Variants in DCTN2 observed in about 807,000 individuals in gnomAD.
DCTN2 encodes 50 kDa dynein-associated polypeptide.
Under a neutral mutation model 55.4 loss-of-function variants are expected in DCTN2, and 18 were observed. That is an observed-to-expected ratio of 0.32 (90% CI 0.22 to 0.48). The LOEUF (loss-of-function observed/expected upper bound fraction) is 0.48. Ranked by LOEUF, DCTN2 falls within the 20% of genes least tolerant of loss-of-function variation. DCTN2 has a pLI of 0.99. For synonymous variants in DCTN2, 168 were observed against 185.2 expected, an observed-to-expected ratio of 0.91 and a Z score of 0.76; for missense variants, 390 against 491.0, an observed-to-expected ratio of 0.79 and a Z score of 1.94.
At chr12:57,537,085 C>T (rs1017436013) in intron 2 of DCTN2, among the ~76,000 whole-genome samples, 34 of 151,112 alleles carry the variant, frequency 2.2e-4, no homozygotes, top group African/African-American at 7.5e-4. Flanking sequence ...GTGATCCACC[C>T]GCCTCGGCCT....
intron 5 of DCTN2, 60 bp from the exon 6 acceptor site, chr12:57,534,512 T>C: frequency 3.3e-6 from 5 of 1,534,664 alleles, no homozygotes; most frequent in Middle Eastern, 1.7e-4. Context: ...AGCAAAAAAA[T>C]AGGTCAAGCC....
chr12:57,544,273 A>G (rs1446249812), intron 2 of DCTN2: 3 of 347,344 alleles, frequency 8.6e-6, no homozygotes, highest in Non-Finnish European at 1.7e-5. Context: ...AAATTGGCAT[A>G]GTAACTGCAT....
intron 2 of DCTN2, among the ~76,000 whole-genome samples, chr12:57,542,625 C>G (rs1223261023): frequency 6.6e-6 from 1 of 152,106 alleles, no homozygotes; most frequent in Non-Finnish European, 1.5e-5. Context: ...CGAGACCAAC[C>G]TGGCCAACAT....
In DCTN2 at chr12:57,545,956, G is replaced by A. The variant is rs1419827842; in HGVS notation, c.105+72C>T. 9 of 1,510,510 alleles carry A rather than the reference G, an allele frequency of 6.0e-6. No individual in the cohort carries two copies. In the Admixed American group the frequency reaches 7.0e-5, roughly 12 times the overall value. The allele number at this position is 1,510,510 out of a possible 1,614,324, so 93.6% of individuals were successfully genotyped here. On this transcript the variant is annotated intron_variant, in intron 2 of 13. Coordinates refer to ENST00000548249, the MANE Select transcript of DCTN2 (RefSeq NM_001261413.2). ...ACCCGCTTATTGCTGTAGCTCCCCC[G>A]AGAAAGGGAAGGACCTGTCTAGGGG...
At chr12:57,539,090 A>G (rs1880483776) in intron 2 of DCTN2, among the ~76,000 whole-genome samples, 1 of 152,220 alleles carries the variant, frequency 6.6e-6, no homozygotes, top group African/African-American at 2.4e-5. Flanking sequence ...TCACAATGAG[A>G]GTGATCAGGT....
chr12:57,538,548 A>C (rs1372756564), intron 2 of DCTN2: 2 of 755,196 alleles, frequency 2.6e-6, no homozygotes, highest in Non-Finnish European at 4.8e-6. Flanking sequence ...CAGAGGTGAG[A>C]AAATCAAAAG....
chr12:57,545,885 T>C (rs1203994371), intron 2 of DCTN2, 143 bp downstream of exon 2: 2 of 725,678 alleles, frequency 2.8e-6, no homozygotes, highest in Non-Finnish European at 4.5e-6. Flanking sequence ...CAGCAAGGTC[T>C]TTGCAAGCCC....
chr12:57,534,300 G>A lies in DCTN2; in HGVS notation c.516C>T (p.Ala172=). Reference sequence around the variant, plus strand: ...CAAAGTAGGGTACCCACTTAGCCAGGGCGCCATCGGGGTCGGTAAGGTTGA... The same window carrying A: ...CAAAGTAGGGTACCCACTTAGCCAGAGCGCCATCGGGGTCGGTAAGGTTGA... The part of the protein sequence containing the change: ...AAINLTDPDG[A]LAKRLLLQLE... Residue 172 remains alanine, a synonymous_variant, in exon 6 of 14, where the codon GCC becomes GCT. Coordinates refer to ENST00000548249, the MANE Select transcript of DCTN2 (RefSeq NM_001261413.2). 6.3e-7 allele frequency: 1 copy of A among 1,591,064 alleles called. No individual in the cohort carries two copies. The highest frequency in any genetic ancestry group is 8.6e-7 in the Non-Finnish European group (1 of 1,163,760).
Position 57,530,521 on chromosome 12 carries a change from G to C in DCTN2, c.*168C>G. The C allele has an allele frequency of 1.7e-6, 1 of 582,988 alleles. No individual in the cohort carries two copies. Among genetic ancestry groups the C allele is most frequent in the Non-Finnish European group, 3.0e-6 (1 of 332,738 alleles). 36.1% of individuals were successfully genotyped at this position (582,988 alleles called of 1,614,324 possible). A position where few individuals can be genotyped will look rare whatever the true frequency, so the allele number is the denominator to read the frequency against. On this transcript the variant is annotated 3_prime_UTR_variant, in exon 14 of 14. Coordinates refer to ENST00000548249, the MANE Select transcript of DCTN2 (RefSeq NM_001261413.2). ...ATAACCAACCCCTAGCTACCACTCT[G>C]TATTCATCAGGGGAGGGGTATAAAC... is the stretch of plus-strand genomic sequence containing the variant.
intron 13 of DCTN2, among the ~76,000 whole-genome samples, chr12:57,531,685 T>C (rs1292356117): frequency 2.0e-5 from 3 of 152,188 alleles, no homozygotes; most frequent in Non-Finnish European, 2.9e-5. Flanking sequence ...GTACTGTGCT[T>C]ATCAGGGAGA....
Position 57,532,823 on chromosome 12 carries a change from G to A in DCTN2, c.775-13C>T, listed in dbSNP as rs752760287. The A allele has an allele frequency of 9.3e-6, 15 of 1,613,968 alleles. No homozygotes were observed. The highest frequency in any genetic ancestry group is 1.6e-4 in the Middle Eastern group (1 of 6,062). On this transcript the variant is annotated splice_polypyrimidine_tract_variant and intron_variant, in intron 9 of 13. Coordinates refer to ENST00000548249, the MANE Select transcript of DCTN2 (RefSeq NM_001261413.2). Reference sequence around the variant, plus strand: ...GCTCTACAGTCTCCTGGGGATGGAAGTTGGGACAAGCATCATGAAGAGGAA... The same window carrying A: ...GCTCTACAGTCTCCTGGGGATGGAAATTGGGACAAGCATCATGAAGAGGAA...
rs768919100 is a variant in DCTN2, at chr12:57,532,293, A to G, written c.947T>C (p.Ile316Thr). The change falls in exon 12 of 14, where the codon ATA becomes ACA. Residue 316 changes from isoleucine (I) to threonine (T), a missense_variant. Transcript: ENST00000548249. ...QSKVHQLYETIQRWSPIASTL... is the reference protein window; with the variant it reads ...QSKVHQLYETTQRWSPIASTL... The stretch of plus-strand genomic sequence containing the variant: ...GGAGGCAATGGGGCTCCAGCGCTGT[A>G]TAGTTTCATATAGCTGGTGCACCTG... 1 of 1,560,444 alleles carries G rather than the reference A, an allele frequency of 6.4e-7. No homozygotes were observed. Among genetic ancestry groups the G allele is most frequent in the South Asian group, 1.2e-5 (1 of 84,646 alleles).
chr12:57,536,837 A>G (rs1880273639), intron 2 of DCTN2, among the ~76,000 whole-genome samples: 1 of 151,970 alleles, frequency 6.6e-6, no homozygotes, highest in Non-Finnish European at 1.5e-5. Flanking sequence ...CTCCCAACAG[A>G]GTACTGATGG....
At chr12:57,535,939 G>T in intron 2 of DCTN2, 94 bp from the exon 3 acceptor site, 3 of 972,420 alleles carry the variant, frequency 3.1e-6, no homozygotes, top group Admixed American at 2.0e-5. Context: ...AGGTGACTGG[G>T]CCCTACTTGT....
chr12:57,534,996 T>C (rs1880108134), intron 5 of DCTN2, 60 bp downstream of exon 5: 1 of 1,398,016 alleles, frequency 7.2e-7, no homozygotes, highest in Non-Finnish European at 1.0e-6. Context: ...TCTTCTTGCT[T>C]GAGGTCTTCC....
chr12:57,538,991 G>T (rs188496732), intron 2 of DCTN2, among the ~76,000 whole-genome samples: 2 of 152,220 alleles, frequency 1.3e-5, no homozygotes, highest in Non-Finnish European at 1.5e-5. Context: ...CTCAGGAGAG[G>T]AGTTCCCCTT....
In DCTN2 at chr12:57,530,648, A is replaced by C. The variant is rs1802914; in HGVS notation, c.*41T>G. ...TATGTAAGCTGTTAACAGAGTTCAC[A>C]GGGGTAGGGATAACCCCTGTTCTCC... On this transcript the variant is annotated 3_prime_UTR_variant, in exon 14 of 14. Transcript: ENST00000548249. 1 of 1,538,278 alleles carries C rather than the reference A, an allele frequency of 6.5e-7. No individual in the cohort carries two copies. The highest frequency in any genetic ancestry group is 1.1e-5 in the South Asian group (1 of 89,074).
intron 2 of DCTN2, among the ~76,000 whole-genome samples, chr12:57,537,408 AATGAATTATTCTGGGGTAGGGCCAG>A (rs1278645059): frequency 6.6e-6 from 1 of 151,266 alleles, no homozygotes; most frequent in Non-Finnish European, 1.5e-5. Flanking sequence ...TAGAGATTCT[AATGAATTATTCTGGGGTAGGGCCAG>A]ATATCCAGGT....
intron 5 of DCTN2, among the ~76,000 whole-genome samples, chr12:57,534,825 C>G (rs894990762): frequency 1.3e-5 from 2 of 152,078 alleles, no homozygotes; most frequent in Admixed American, 6.6e-5. Context: ...CGCCACCACA[C>G]CTGGCTAAGT....
Sources: gnomAD v4.1 joint callset for allele counts (sites outside exome capture counted in the v4.1 genomes callset) on GRCh38, gnomAD v4.1.1 for gene constraint, MANE v1.5 for transcripts, NCBI Gene and HGNC (gene_info 2026-07-23, HGNC 2026-07-21) for gene names.